The following DIP2B variants were observed in gnomAD, a reference collection of about 807,000 sequenced individuals.
The protein encoded by DIP2B is DIP2 acetate--CoA ligase B (putative).
In DIP2B, 76 loss-of-function variants were observed where a neutral mutation model predicts 198.0. That is an observed-to-expected ratio of 0.38 (90% CI 0.32 to 0.46). DIP2B has a LOEUF of 0.46. DIP2B is among the 20% of genes least tolerant of loss of function. The pLI is 0.99. For synonymous variants in DIP2B, 701 were observed against 739.1 expected, an observed-to-expected ratio of 0.95 and a Z score of 0.84; for missense variants, 1,559 against 1,978.4, an observed-to-expected ratio of 0.79 and a Z score of 4.02.
intron 28 of DIP2B, among the ~76,000 whole-genome samples, chr12:50,727,309 A>G (rs562675597): frequency 1.3e-5 from 2 of 152,350 alleles, no homozygotes; most frequent in East Asian, 1.9e-4. Flanking sequence ...TAACTTCCCA[A>G]CAGTTCTATG....
At chr12:50,692,064 C>CAA (rs1042359724) in intron 13 of DIP2B, among the ~76,000 whole-genome samples, 15 of 150,300 alleles carry the variant, frequency 1.0e-4, no homozygotes, top group African/African-American at 3.4e-4. Context: ...GACTCTGTCT[C>CAA]AAAAAAATAT....
At chr12:50,643,297 G>A (rs898334833) in intron 3 of DIP2B, among the ~76,000 whole-genome samples, 4 of 151,984 alleles carry the variant, frequency 2.6e-5, no homozygotes, top group African/African-American at 4.8e-5. Context: ...ATTAGAAAGC[G>A]TATGCTGTGG....
At chr12:50,668,514 A>T (rs1237367203) in intron 4 of DIP2B, among the ~76,000 whole-genome samples, 1 of 152,224 alleles carries the variant, frequency 6.6e-6, no homozygotes, top group African/African-American at 2.4e-5. Context: ...AATTGAAACA[A>T]TACACCTAAT....
chr12:50,559,448 A>AAAT (rs1262366037), intron 1 of DIP2B, among the ~76,000 whole-genome samples: 2 of 152,040 alleles, frequency 1.3e-5, no homozygotes. Context: ...TCCTTAAAAA[A>AAAT]AATATTATTA....
chr12:50,538,852 C>A (rs1480588099), intron 1 of DIP2B, among the ~76,000 whole-genome samples: 1 of 152,124 alleles, frequency 6.6e-6, no homozygotes, highest in Non-Finnish European at 1.5e-5. Flanking sequence ...TACCAAACTG[C>A]TTCAAAGAGA....
chr12:50,520,975 A>G (rs1277951177), intron 1 of DIP2B, among the ~76,000 whole-genome samples: 2 of 151,528 alleles, frequency 1.3e-5, no homozygotes, highest in East Asian at 3.9e-4. Context: ...TTTTTCTCCT[A>G]TTAAAATCCA....
At chr12:50,683,887 G>A (rs528434535) in intron 10 of DIP2B, among the ~76,000 whole-genome samples, 2 of 152,250 alleles carry the variant, frequency 1.3e-5, no homozygotes, top group East Asian at 1.9e-4. Context: ...TGAGGTGGGC[G>A]GGTTGCGTGA....
At chr12:50,594,779 T>C (rs879469145) in intron 1 of DIP2B, among the ~76,000 whole-genome samples, 1 of 152,170 alleles carries the variant, frequency 6.6e-6, no homozygotes, top group Non-Finnish European at 1.5e-5. Context: ...ATATTTATGG[T>C]TTTATATATA....
chr12:50,641,942 C>G (rs1013343660), intron 3 of DIP2B, among the ~76,000 whole-genome samples: 1 of 152,014 alleles, frequency 6.6e-6, no homozygotes, highest in African/African-American at 2.4e-5. Context: ...TTGTACTGAC[C>G]AAGGTTGCCT....
chr12:50,614,843 G>T (rs1215566452), intron 1 of DIP2B, among the ~76,000 whole-genome samples: 1 of 152,176 alleles, frequency 6.6e-6, no homozygotes, highest in African/African-American at 2.4e-5. Flanking sequence ...TCCCCATGCT[G>T]TGGCAGTGGC....
At chr12:50,563,675 T>C (rs1292376009) in intron 1 of DIP2B, among the ~76,000 whole-genome samples, 1 of 151,820 alleles carries the variant, frequency 6.6e-6, no homozygotes, top group Admixed American at 6.6e-5. Context: ...TTTAAACTTT[T>C]TATGGGTATG....
chr12:50,679,005 G>A (rs1938994696), intron 8 of DIP2B, 129 bp downstream of exon 8: 1 of 1,096,796 alleles, frequency 9.1e-7, no homozygotes, highest in African/African-American at 1.6e-5. Context: ...TAATTTAAAA[G>A]GATCCTAAGC....
Position 50,704,122 on chromosome 12 carries a change from C to T in DIP2B, c.2326-18C>T. 2 of 1,595,380 alleles carry T rather than the reference C, an allele frequency of 1.3e-6. No homozygotes were observed. Among genetic ancestry groups the T allele is most frequent in the Non-Finnish European group, 1.7e-6 (2 of 1,175,476 alleles). On this transcript the variant is annotated intron_variant, in intron 19 of 37. Transcript: ENST00000301180. ...AAGAAAAAGCAAAGTTTTTCACTTACTTCATTTTGTCTCTTAGGTAATTCC... is the reference window on the plus strand; with the variant it reads ...AAGAAAAAGCAAAGTTTTTCACTTATTTCATTTTGTCTCTTAGGTAATTCC...
At chr12:50,623,366 G>A (rs1056495854) in intron 1 of DIP2B, among the ~76,000 whole-genome samples, 1 of 151,016 alleles carries the variant, frequency 6.6e-6, no homozygotes, top group African/African-American at 2.4e-5. Flanking sequence ...GATAGAGGGA[G>A]ACCCTGCCTC....
chr12:50,549,413 C>A (rs1183951103), intron 1 of DIP2B, among the ~76,000 whole-genome samples: 1 of 152,046 alleles, frequency 6.6e-6, no homozygotes, highest in Non-Finnish European at 1.5e-5. Context: ...GCCTGTAGTC[C>A]CAGCTACACG....
chr12:50,507,704 T>A (rs1325524579), intron 1 of DIP2B, among the ~76,000 whole-genome samples: 1 of 152,162 alleles, frequency 6.6e-6, no homozygotes. Flanking sequence ...GGCTAATTTT[T>A]TTTGTATTTA....
intron 1 of DIP2B, among the ~76,000 whole-genome samples, chr12:50,507,975 T>A (rs1219778157): frequency 6.6e-6 from 1 of 152,184 alleles, no homozygotes; most frequent in East Asian, 1.9e-4. Flanking sequence ...CTGAGCTGTA[T>A]GCTGTTAAAG....
At chr12:50,699,370 G>A (rs751018488) in intron 19 of DIP2B, among the ~76,000 whole-genome samples, 168 bp downstream of exon 19, 2 of 152,104 alleles carry the variant, frequency 1.3e-5, no homozygotes, top group Non-Finnish European at 2.9e-5. Flanking sequence ...AGCTGACCTT[G>A]GGTGAGTTGG....
At chr12:50,532,611 C>T (rs1958228536) in intron 1 of DIP2B, among the ~76,000 whole-genome samples, 1 of 152,174 alleles carries the variant, frequency 6.6e-6, no homozygotes, top group Non-Finnish European at 1.5e-5. Flanking sequence ...ATTTAAGCAG[C>T]TGTGCTTCTG....
Sources: allele counts gnomAD v4.1 joint callset (sites outside exome capture counted in the v4.1 genomes callset), GRCh38; gene constraint gnomAD v4.1.1; transcripts MANE v1.5; gene names NCBI Gene and HGNC (gene_info 2026-07-23, HGNC 2026-07-21).